The following MPHOSPH10 variants were observed in gnomAD, a reference collection of about 807,000 sequenced individuals.
The protein encoded by MPHOSPH10 is M-phase phosphoprotein 10.
In MPHOSPH10, 33 loss-of-function variants were observed where a neutral mutation model predicts 77.3. That is an observed-to-expected ratio of 0.43 (90% confidence interval 0.32 to 0.57). The LOEUF is 0.57. MPHOSPH10 is among the 20% of genes least tolerant of loss of function. The pLI is 0.07. For synonymous variants in MPHOSPH10, 245 were observed against 268.0 expected, an observed-to-expected ratio of 0.91 and a Z score of 0.84; for missense variants, 708 against 780.1, an observed-to-expected ratio of 0.91 and a Z score of 1.10.
At chr2:71,140,055 G>A (rs540881408) in intron 6 of MPHOSPH10, among the ~76,000 whole-genome samples, 193 bp downstream of exon 6, 2 of 152,272 alleles carry the variant, frequency 1.3e-5, no homozygotes, top group Non-Finnish European at 2.9e-5. Context: ...GACGAGTATT[G>A]TGCCTGAGAG....
chr2:71,146,586 C>T (rs1468639442), intron 8 of MPHOSPH10, among the ~76,000 whole-genome samples: 1 of 152,144 alleles, frequency 6.6e-6, no homozygotes, highest in Non-Finnish European at 1.5e-5. Context: ...GATCTGCCCA[C>T]CTTGGCCTCC....
rs1437076666 is a variant in MPHOSPH10 at position 71,134,020 on chromosome 2, A to G, written c.841A>G (p.Asn281Asp). 6.2e-7 allele frequency: 1 copy of G among 1,608,936 alleles called. No individual in the cohort carries two copies. The highest frequency in any genetic ancestry group is 8.5e-7 in the Non-Finnish European group (1 of 1,177,270). ...AGTTGAAAGTGATGAAGACATAACA[A>G]ATGTTCATGATGATGAGCTGGATTC... ...DPVESDEDITNVHDDELDSNK... is the reference protein window; with the variant it reads ...DPVESDEDITDVHDDELDSNK... The change falls in exon 3 of 11, where the codon AAT (asparagine) becomes GAT (aspartate). Residue 281 changes from asparagine to aspartate, a missense_variant. Transcript: ENST00000244230.
chr2:71,135,695 TC>T (rs1424461304), intron 4 of MPHOSPH10, among the ~76,000 whole-genome samples: 1 of 149,440 alleles, frequency 6.7e-6, no homozygotes, highest in African/African-American at 2.5e-5. Context: ...CTTTTCTTTT[TC>T]TTTTTCTTTT....
intron 6 of MPHOSPH10, among the ~76,000 whole-genome samples, chr2:71,140,623 C>A (rs1232277765): frequency 6.6e-6 from 1 of 152,164 alleles, no homozygotes; most frequent in Non-Finnish European, 1.5e-5. Context: ...AAAACCATTT[C>A]TCAATGGTGT....
rs1673673966 is a variant in MPHOSPH10 at position 71,144,592 on chromosome 2, T to C, written c.1557+54T>C. Reference sequence around the variant, plus strand: ...CTAGAGCAGGGTGACCTTCATAGCTTTGATCCTTTGTGAGACTAGCTCTTT... The same window carrying C: ...CTAGAGCAGGGTGACCTTCATAGCTCTGATCCTTTGTGAGACTAGCTCTTT... On this transcript the variant is annotated intron_variant, in intron 8 of 10. Coordinates refer to ENST00000244230, the MANE Select transcript of MPHOSPH10 (RefSeq NM_005791.3). 3.1e-6 allele frequency: 4 copies of C among 1,304,028 alleles called. No homozygotes were observed. The African/African-American group carries it at 5.9e-5, about 19-fold the overall frequency. The allele number at this position is 1,304,028 out of a possible 1,614,324, so 80.8% of individuals were successfully genotyped here.
chr2:71,142,852 C>T (rs1254217805), intron 7 of MPHOSPH10, among the ~76,000 whole-genome samples: 2 of 152,142 alleles, frequency 1.3e-5, no homozygotes. Flanking sequence ...AAGAGCCTAT[C>T]GTTTCCTAGT....
chr2:71,130,854 A>G (rs1673363447), intron 1 of MPHOSPH10, 100 bp downstream of exon 1: 1 of 1,149,942 alleles, frequency 8.7e-7, no homozygotes, highest in Admixed American at 2.6e-5. Flanking sequence ...AGGTAAGGGG[A>G]AACGTAAAAT....
intron 4 of MPHOSPH10, among the ~76,000 whole-genome samples, chr2:71,136,494 A>G (rs1188897902): frequency 2.6e-5 from 4 of 152,122 alleles, no homozygotes; most frequent in African/African-American, 7.2e-5. Flanking sequence ...TAGCCTGGGC[A>G]ACAGAGCTAG....
At chr2:71,132,265 C>T (rs1404796746) in intron 1 of MPHOSPH10, among the ~76,000 whole-genome samples, 1 of 152,118 alleles carries the variant, frequency 6.6e-6, no homozygotes, top group Non-Finnish European at 1.5e-5. Context: ...ATCATTTCAT[C>T]CCTCTGCTTA....
chr2:71,131,131 C>T (rs72903595), intron 1 of MPHOSPH10, among the ~76,000 whole-genome samples: 6,186 of 152,232 alleles, frequency 0.041, 379 homozygotes, highest in African/African-American at 0.13. Context: ...CTTGTCTGTC[C>T]ACCCCCCATG....
intron 4 of MPHOSPH10, among the ~76,000 whole-genome samples, chr2:71,135,702 C>CTT (rs781167523): frequency 0.017 from 2,215 of 130,638 alleles, 70 homozygotes; most frequent in African/African-American, 0.052. Context: ...TTTTCTTTTT[C>CTT]TTTTTTTTTT....
chr2:71,132,182 T>C (rs1673401381), intron 1 of MPHOSPH10, among the ~76,000 whole-genome samples: 1 of 152,262 alleles, frequency 6.6e-6, no homozygotes, highest in African/African-American at 2.4e-5. Context: ...TTCGCTGGAA[T>C]GCTGCATCAA....
At position 71,141,389 on chromosome 2, in the gene MPHOSPH10, C is replaced by CA. The variant is rs1553442065; in HGVS notation, c.1446+22dup. On this transcript the variant is annotated intron_variant, in intron 7 of 10. Transcript: ENST00000244230. ...AACCAGGTGAGGAAGCCTGTAAGGC[C>CA]AAGCCATTATTATTAAAGAAATAGA... 1 of 1,441,366 alleles carries CA rather than the reference C, an allele frequency of 6.9e-7. No homozygotes were observed. Among genetic ancestry groups the CA allele is most frequent in the Non-Finnish European group, 9.1e-7 (1 of 1,099,094 alleles). 89.3% of individuals were successfully genotyped at this position (1,441,366 alleles called of 1,614,324 possible).
chr2:71,144,393 C>T (rs753505603), intron 7 of MPHOSPH10, 35 bp from the exon 8 acceptor site: 6 of 1,464,130 alleles, frequency 4.1e-6, no homozygotes, highest in African/African-American at 1.4e-5. Flanking sequence ...TATATCAAGT[C>T]GCTTAGTTTG....
chr2:71,145,489 T>G (rs893129401), intron 8 of MPHOSPH10, among the ~76,000 whole-genome samples: 2 of 142,200 alleles, frequency 1.4e-5, no homozygotes, highest in East Asian at 4.1e-4. Context: ...TTAACCTGGT[T>G]GTTTTTTTTT....
At chr2:71,137,046 C>CT (rs1173276266) in intron 4 of MPHOSPH10, among the ~76,000 whole-genome samples, 2 of 151,446 alleles carry the variant, frequency 1.3e-5, no homozygotes, top group Non-Finnish European at 2.9e-5. Flanking sequence ...GAACCTTATT[C>CT]TCTTGAATCA....
chr2:71,149,883 G>T lies in MPHOSPH10; in HGVS notation c.1914G>T (p.Lys638Asn). The T allele has an allele frequency of 6.4e-7, 1 of 1,550,966 alleles. No individual in the cohort carries two copies. Among genetic ancestry groups the T allele is most frequent in the South Asian group, 1.3e-5 (1 of 79,866 alleles). ...AATTGCAGGATGAAGGTAAAGACAA[G>T]GCCTTAAAGTCCTCTCAAGCATTCT... Reference protein sequence around the residue: ...ASFIKDEGKDKALKSSQAFFS... With the variant: ...ASFIKDEGKDNALKSSQAFFS... The change falls in exon 11 of 11, where the codon AAG becomes AAT. Residue 638 changes from lysine to asparagine, a missense_variant. Transcript: ENST00000244230.
At position 71,132,930 on chromosome 2, in the gene MPHOSPH10, CT is replaced by C; in HGVS notation, c.125del (p.Leu42Ter). ...IQEGLASKFT[S>X]LTKVLYDFNK... ...GAGGGATTGGCATCAAAGTTCACTT[CT>C]TTAACAAAAGTGCTTTATGACTTTA... On this transcript the variant is annotated frameshift_variant, in exon 2 of 11. Coordinates refer to ENST00000244230, the MANE Select transcript of MPHOSPH10 (RefSeq NM_005791.3). LOFTEE classifies it high-confidence loss of function. 1 of 1,611,070 alleles carries C rather than the reference CT, an allele frequency of 6.2e-7. No homozygotes were observed. The highest frequency in any genetic ancestry group is 8.5e-7 in the Non-Finnish European group (1 of 1,178,198).
Position 71,130,673 on chromosome 2 carries a change from C to G in MPHOSPH10, c.8C>G (p.Pro3Arg), listed in dbSNP as rs771476171. 1.2e-6 allele frequency: 2 copies of G among 1,608,642 alleles called. No homozygotes were observed. Among genetic ancestry groups the G allele is most frequent in the Admixed American group, 1.7e-5 (1 of 59,792 alleles). The change falls in exon 1 of 11, where the codon CCG becomes CGG. Residue 3 changes from proline to arginine, a missense_variant. Around this residue, in one of 3 missense-constraint regions of MPHOSPH10, gnomAD observed 433 missense variants for 432.6 expected, o/e 1.00. Transcript: ENST00000244230. MA[P>R]QVWRRRTLER... ...CGGGAGTTGCTGACAGCCATGGCGC[C>G]GCAGGTCTGGCGTCGACGGACCCTG...
Sources: allele counts gnomAD v4.1 joint callset (sites outside exome capture counted in the v4.1 genomes callset), GRCh38; gene constraint gnomAD v4.1.1; regional missense constraint gnomAD v4.1.1; transcripts MANE v1.5; gene names NCBI Gene and HGNC (gene_info 2026-07-23, HGNC 2026-07-21).